GRAMD1A: variants seen among roughly 807,000 people sequenced by gnomAD.
The protein encoded by GRAMD1A is protein Aster-A.
In GRAMD1A, 50 loss-of-function variants were observed where a neutral mutation model predicts 92.0. The ratio of observed to expected loss-of-function variants is 0.54; its 90% CI spans 0.43 to 0.69. GRAMD1A has a LOEUF of 0.69. GRAMD1A is among the 30% of genes least tolerant of loss of function. GRAMD1A has a pLI of 0.00. For missense variants in GRAMD1A, 819 were observed against 978.9 expected (o/e 0.84, Z 2.18); for synonymous variants, 405 against 403.6 (o/e 1.00, Z -0.04).
At chr19:35,018,287 G>A (rs1345183831) in intron 11 of GRAMD1A, among the ~76,000 whole-genome samples, 2 of 152,196 alleles carry the variant, frequency 1.3e-5, no homozygotes, top group African/African-American at 4.8e-5. Flanking sequence ...GTGAGCCACT[G>A]TGCCCGGCTG....
chr19:35,010,073 C>T lies in GRAMD1A; in HGVS notation c.326-19C>T. The T allele has an allele frequency of 6.4e-7, 1 of 1,573,372 alleles. No homozygotes were observed. Among genetic ancestry groups the T allele is most frequent in the Non-Finnish European group, 8.7e-7 (1 of 1,142,890 alleles). On this transcript the variant is annotated intron_variant, in intron 4 of 19. Coordinates refer to ENST00000317991, the MANE Select transcript of GRAMD1A (RefSeq NM_020895.5). ...CCTCGTGACTTGGGTGTCCTCCTGTCTCTCCCCGCCCCTCTCAGATTACTC... is the reference window on the plus strand; with the variant it reads ...CCTCGTGACTTGGGTGTCCTCCTGTTTCTCCCCGCCCCTCTCAGATTACTC...
rs750397163 is a variant in GRAMD1A at position 35,019,447 on chromosome 19, G to C, written c.1389G>C (p.Leu463=). The part of the protein sequence containing the change: ...AGGCVVDSEV[L]TQGIPYQDYF... ...GGTGTGTGGTGGACTCCGAGGTGCT[G>C]ACGCAGGGCATCCCCTACCAGGACT... Residue 463 remains leucine (L), a synonymous_variant, in exon 13 of 20, where the codon CTG becomes CTC. Transcript: ENST00000317991. 32 of 1,613,794 alleles carry C rather than the reference G, an allele frequency of 2.0e-5. No homozygotes were observed.
intron 10 of GRAMD1A, 44 bp downstream of exon 10, chr19:35,014,431 G>C (rs1297469359): frequency 6.5e-7 from 1 of 1,542,512 alleles, no homozygotes; most frequent in Non-Finnish European, 9.0e-7. Context: ...GTACTTGCAA[G>C]CCTCGCTCAG....
chr19:35,026,286 C>T lies in GRAMD1A; in HGVS notation c.*145C>T. ...CCAGGGGCTGTGCAGACGTGGGGAC[C>T]ACGGAACCGAGATGCACTTTAGACC... On this transcript the variant is annotated 3_prime_UTR_variant, in exon 20 of 20. Coordinates refer to ENST00000317991, the MANE Select transcript of GRAMD1A (RefSeq NM_020895.5). The T allele has an allele frequency of 1.6e-6, 1 of 616,812 alleles. No homozygotes were observed. The highest frequency in any genetic ancestry group is 2.9e-6 in the Non-Finnish European group (1 of 339,862). The allele number at this position is 616,812 out of a possible 1,614,324, so 38.2% of individuals were successfully genotyped here. A position where few individuals can be genotyped will look rare whatever the true frequency, so the allele number is the denominator to read the frequency against.
At chr19:35,004,971 C>T (rs535961538) in intron 1 of GRAMD1A, among the ~76,000 whole-genome samples, 7 of 152,228 alleles carry the variant, frequency 4.6e-5, no homozygotes, top group African/African-American at 9.6e-5. Flanking sequence ...ACAGAAAGGA[C>T]GCGGTGGCAC....
At chr19:35,000,107 G>C (rs937542709), upstream of GRAMD1A, 10 of 991,320 alleles carry the variant, frequency 1.0e-5, no homozygotes, top group African/African-American at 1.7e-4. This position sits in a 1 kb window ranked among gnomAD's most constrained non-coding sequence, Gnocchi z 4.9. Context: ...CACGATGTTT[G>C]GTTTTAATAA....
chr19:34,995,893 C>T, upstream of GRAMD1A: 1 of 739,668 alleles, frequency 1.4e-6, no homozygotes, highest in Non-Finnish European at 2.2e-6. Context: ...CCCAACTGTG[C>T]TCTTAATCAT....
intron 19 of GRAMD1A, among the ~76,000 whole-genome samples, chr19:35,025,504 A>G (rs1249958597): frequency 2.6e-5 from 4 of 152,184 alleles, no homozygotes; most frequent in Non-Finnish European, 5.9e-5. Context: ...TCAGCCTCCC[A>G]AAGTGCTGAG....
chr19:35,011,450 T>G, intron 6 of GRAMD1A, 24 bp from the exon 7 acceptor site: 1 of 587,090 alleles, frequency 1.7e-6, no homozygotes, highest in Non-Finnish European at 2.4e-6. Flanking sequence ...TGCTCACACC[T>G]CTCTCTCTCT....
Position 35,026,103 on chromosome 19 carries a change from T to C in GRAMD1A, c.2137T>C (p.Phe713Leu), listed in dbSNP as rs766078482. The change falls in exon 20 of 20, where the codon TTT (phenylalanine) becomes CTT (leucine). Residue 713 changes from phenylalanine (F) to leucine (L), a missense_variant. This residue lies in a region of GRAMD1A where 577 missense variants were observed against 674.6 expected (regional missense o/e 0.86). Transcript: ENST00000317991. ...HQGITVSDPPFDTQPRPDDSF... is the reference protein window; with the variant it reads ...HQGITVSDPPLDTQPRPDDSF... Reference sequence around the variant, plus strand: ...AGGCATCACAGTCTCAGACCCTCCCTTTGACACCCAGCCCCGGCCCGATGA... The same window carrying C: ...AGGCATCACAGTCTCAGACCCTCCCCTTGACACCCAGCCCCGGCCCGATGA... The C allele has an allele frequency of 1.3e-5, 21 of 1,604,096 alleles. No homozygotes were observed. The highest frequency in any genetic ancestry group is 1.6e-5 in the Non-Finnish European group (19 of 1,170,898).
chr19:35,015,966 A>T lies in GRAMD1A; in HGVS notation c.1212A>T (p.Thr404=). ...LQGFLQQCKF[T]DVTLSPWSGD... ...GCTTCCTACAGCAGTGCAAGTTCAC[A>T]GGTCAGCGGGCGCATGAAGGAGAGG... The change falls in exon 11 of 20, where the codon ACA becomes ACT. Residue 404 remains threonine (T), a splice_region_variant and synonymous_variant. Coordinates refer to ENST00000317991, the MANE Select transcript of GRAMD1A (RefSeq NM_020895.5). 1 of 1,612,736 alleles carries T rather than the reference A, an allele frequency of 6.2e-7. No homozygotes were observed. The highest frequency in any genetic ancestry group is 1.1e-5 in the South Asian group (1 of 90,890).
Position 35,011,514 on chromosome 19 carries a change from T to C in GRAMD1A, c.566T>C (p.Leu189Pro). 6.2e-7 allele frequency: 1 copy of C among 1,611,748 alleles called. No homozygotes were observed. The highest frequency in any genetic ancestry group is 8.5e-7 in the Non-Finnish European group (1 of 1,179,762). The change falls in exon 7 of 20, where the codon CTC becomes CCC. Residue 189 changes from leucine (L) to proline (P), a missense_variant. Leu to Pro is a moderately conservative substitution (Grantham distance 98, BLOSUM62 -3). Around this residue, in one of 3 missense-constraint regions of GRAMD1A, gnomAD observed 144 missense variants for 220.3 expected, o/e 0.65. Coordinates refer to ENST00000317991, the MANE Select transcript of GRAMD1A (RefSeq NM_020895.5). ...TTTGGGGCCCGTGACCGCTGCTTCC[T>C]CCTCATCTTCCGCCTCTGGCAGAAT... ...TSFGARDRCF[L>P]LIFRLWQNAL...
At chr19:34,996,323 GTCTCTCTGTCTAGGGAGGGT>G (rs2014036124), upstream of GRAMD1A, 3 of 1,464,590 alleles carry the variant, frequency 2.0e-6, no homozygotes, top group Non-Finnish European at 2.7e-6. Context: ...AGGAAAGAGG[GTCTCTCTGTCTAGGGAGGGT>G]TCTCTCTGTC....
At chr19:35,010,071 G>C in intron 4 of GRAMD1A, 21 bp from the exon 5 acceptor site, 1 of 1,564,878 alleles carries the variant, frequency 6.4e-7, no homozygotes. Context: ...GTGTCCTCCT[G>C]TCTCTCCCCG....
Position 35,022,014 on chromosome 19 carries a change from G to A in GRAMD1A, c.1817G>A (p.Ser606Asn), listed in dbSNP as rs564706756. The A allele has an allele frequency of 2.3e-5, 37 of 1,613,804 alleles. No homozygotes were observed. The African/African-American group carries it at 4.7e-4, about 20-fold the overall frequency. The change falls in exon 16 of 20, where the codon AGT (serine) becomes AAT (asparagine). Residue 606 changes from serine to asparagine, a missense_variant. Coordinates refer to ENST00000317991, the MANE Select transcript of GRAMD1A (RefSeq NM_020895.5). Reference protein sequence around the residue: ...VDQGPGAGIPSALVLISIVIC... With the variant: ...VDQGPGAGIPNALVLISIVIC... ...CAGGGCCCCGGGGCAGGCATCCCCA[G>A]TGCCCTGGTTCTCATCAGCATTGTG...
At chr19:35,010,647 C>G in intron 6 of GRAMD1A, 1 of 588,668 alleles carries the variant, frequency 1.7e-6, no homozygotes. Flanking sequence ...CTCAGCCGCC[C>G]CTCCCTTCGT....
In GRAMD1A at chr19:35,009,946, T is replaced by G. The variant is rs2015098499; in HGVS notation, c.299T>G (p.Leu100Arg). ...GACTTCCGGAAACTGTTCAGCAAAC[T>G]CCCCGAAGCAGAACGCCTCATTGTG... ...NEDFRKLFSK[L>R]PEAERLIVDY... Residue 100 changes from leucine (L) to arginine (R), a missense_variant, in exon 4 of 20, where the codon CTC becomes CGC. This residue lies in a region of GRAMD1A where 144 missense variants were observed against 220.3 expected (regional missense o/e 0.65). Coordinates refer to ENST00000317991, the MANE Select transcript of GRAMD1A (RefSeq NM_020895.5). 1 of 1,611,898 alleles carries G rather than the reference T, an allele frequency of 6.2e-7. No homozygotes were observed. Among genetic ancestry groups the G allele is most frequent in the South Asian group, 1.1e-5 (1 of 91,022 alleles).
rs755360846 is a variant in GRAMD1A at position 35,013,578 on chromosome 19, G to T, written c.757G>T (p.Asp253Tyr). The change falls in exon 9 of 20, where the codon GAC (aspartate) becomes TAC (tyrosine). Residue 253 changes from aspartate (D) to tyrosine (Y), a missense_variant. Coordinates refer to ENST00000317991, the MANE Select transcript of GRAMD1A (RefSeq NM_020895.5). This position sits in a 1 kb window ranked among gnomAD's most constrained non-coding sequence, Gnocchi z 4.9. ...AGTGGGAGATGTGATCGCCCTGAGC[G>T]ACATCACCTCCTCGGGGGCAGCTGA... ...KEVGDVIALS[D>Y]ITSSGAADRS... The T allele has an allele frequency of 6.2e-7, 1 of 1,612,776 alleles. No individual in the cohort carries two copies. Among genetic ancestry groups the T allele is most frequent in the Non-Finnish European group, 8.5e-7 (1 of 1,179,372 alleles).
rs2016434327 is a variant in GRAMD1A at position 35,026,301 on chromosome 19, C to T, written c.*160C>T. Reference sequence around the variant, plus strand: ...ACGTGGGGACCACGGAACCGAGATGCACTTTAGACCAGGGAGCTGGCCCGG... The same window carrying T: ...ACGTGGGGACCACGGAACCGAGATGTACTTTAGACCAGGGAGCTGGCCCGG... On this transcript the variant is annotated 3_prime_UTR_variant, in exon 20 of 20. Transcript: ENST00000317991. The T allele has an allele frequency of 1.7e-6, 1 of 595,982 alleles. No individual in the cohort carries two copies. The highest frequency in any genetic ancestry group is 3.0e-6 in the Non-Finnish European group (1 of 331,720). 36.9% of individuals were successfully genotyped at this position (595,982 alleles called of 1,614,324 possible).
Sources: gnomAD v4.1 joint callset for allele counts (sites outside exome capture counted in the v4.1 genomes callset) on GRCh38, gnomAD v4.1.1 for gene constraint, gnomAD v4.1.1 regional missense constraint, Gnocchi (gnomAD v3.1) non-coding constraint, MANE v1.5 for transcripts, NCBI Gene and HGNC (gene_info 2026-07-23, HGNC 2026-07-21) for gene names.